The following DIAPH1 variants were observed in gnomAD, a reference collection of about 807,000 sequenced individuals.
DIAPH1 encodes the protein protein diaphanous homolog 1.
A neutral mutation model predicts 140.7 loss-of-function variants in DIAPH1; 46 were observed. The ratio of observed to expected loss-of-function variants is 0.33; its 90% CI spans 0.26 to 0.42. The LOEUF (loss-of-function observed/expected upper bound fraction) is 0.42, where lower values mean the gene tolerates loss of function less well. Among genes scored for constraint, DIAPH1 ranks in the 10% least tolerant of loss-of-function variants. DIAPH1 has a pLI of 1.00. For synonymous variants in DIAPH1, 565 were observed against 551.6 expected (o/e 1.02, Z -0.34); for missense variants, 1,310 against 1,558.7 (o/e 0.84, Z 2.69).
chr5:141,546,611 G>A (rs547153145), intron 18 of DIAPH1, among the ~76,000 whole-genome samples: 4 of 150,796 alleles, frequency 2.7e-5, no homozygotes, highest in Admixed American at 6.6e-5. Context: ...AGCTGAGATC[G>A]TGCCACTGCA....
intron 18 of DIAPH1, among the ~76,000 whole-genome samples, chr5:141,553,709 A>G (rs1257228708): frequency 6.6e-6 from 1 of 152,166 alleles, no homozygotes; most frequent in Non-Finnish European, 1.5e-5. Flanking sequence ...ACTAAAAACT[A>G]AAGAGGTAAG....
At position 141,576,863 on chromosome 5, in the gene DIAPH1, T is replaced by C. The variant is rs1280109391; in HGVS notation, c.1289A>G (p.Tyr430Cys). The C allele has an allele frequency of 6.3e-7, 1 of 1,576,936 alleles. No individual in the cohort carries two copies. Among genetic ancestry groups the C allele is most frequent in the Non-Finnish European group, 8.7e-7 (1 of 1,146,350 alleles). Residue 430 changes from tyrosine (Y) to cysteine (C), a missense_variant, in exon 13 of 28, where the codon TAC (tyrosine) becomes TGC (cysteine). Physicochemically the swap from Tyr to Cys is radical, Grantham distance 194 (BLOSUM62 -2). This residue lies in a region of DIAPH1 where 589 missense variants were observed against 549.3 expected (regional missense o/e 1.07). Transcript: ENST00000389054. ...VRNDYEARPQYYKLIEECISQ... is the reference protein window; with the variant it reads ...VRNDYEARPQCYKLIEECISQ... Reference sequence around the variant, plus strand: ...AATACATTCTTCAATCAACTTATAGTACTGAGGTCTACAAGAGAATAAAAA... The same window carrying C: ...AATACATTCTTCAATCAACTTATAGCACTGAGGTCTACAAGAGAATAAAAA...
At chr5:141,606,620 C>CCAGG (rs2099901010) in intron 1 of DIAPH1, among the ~76,000 whole-genome samples, 1 of 152,142 alleles carries the variant, frequency 6.6e-6, no homozygotes, top group Non-Finnish European at 1.5e-5. Context: ...GTCTTGAACT[C>CCAGG]CTGGCCTCAG....
chr5:141,615,202 G>A (rs990647265), intron 1 of DIAPH1, among the ~76,000 whole-genome samples: 8 of 151,970 alleles, frequency 5.3e-5, no homozygotes, highest in African/African-American at 1.9e-4. Context: ...TCGGGAGGCT[G>A]AGGCTGGCGG....
chr5:141,562,549 C>A (rs2099893723), intron 18 of DIAPH1, among the ~76,000 whole-genome samples: 1 of 148,152 alleles, frequency 6.7e-6, no homozygotes, highest in African/African-American at 2.5e-5. Flanking sequence ...TGGATGAATA[C>A]TAGGGTGGGA....
chr5:141,591,086 A>C (rs1039099442), intron 1 of DIAPH1, among the ~76,000 whole-genome samples: 8 of 152,090 alleles, frequency 5.3e-5, no homozygotes, highest in African/African-American at 1.9e-4. Flanking sequence ...TTTTCCCCCC[A>C]GTCTCATCTT....
chr5:141,578,287 T>C lies in DIAPH1; in HGVS notation c.1101A>G (p.Glu367=). Residue 367 remains glutamate (E), a synonymous_variant, in exon 11 of 28, where the codon GAA becomes GAG. Coordinates refer to ENST00000389054, the MANE Select transcript of DIAPH1 (RefSeq NM_005219.5). ...GGTCATAGGAATCCTCTTCCCCTTG[T>C]TCATCAAACACATTTAGTTGCACTC... ...DMRVQLNVFD[E]QGEEDSYDLK... is the part of the protein sequence containing the mutation. 1.2e-6 allele frequency: 2 copies of C among 1,614,198 alleles called. No individual in the cohort carries two copies. The highest frequency in any genetic ancestry group is 1.7e-6 in the Non-Finnish European group (2 of 1,180,020).
intron 18 of DIAPH1, among the ~76,000 whole-genome samples, chr5:141,545,390 G>A (rs2099890638): frequency 6.6e-6 from 1 of 152,212 alleles, no homozygotes; most frequent in Non-Finnish European, 1.5e-5. Flanking sequence ...AGTGGCTCAT[G>A]CCTGTAATCC....
At chr5:141,571,886 C>T in intron 17 of DIAPH1, 40 bp downstream of exon 17, 2 of 1,388,232 alleles carry the variant, frequency 1.4e-6, no homozygotes, top group Non-Finnish European at 1.0e-6. Flanking sequence ...ATATTCTAAG[C>T]CCTACACTGG....
intron 18 of DIAPH1, among the ~76,000 whole-genome samples, chr5:141,556,221 C>T (rs559835843): frequency 8.5e-4 from 129 of 152,236 alleles, no homozygotes; most frequent in African/African-American, 3.1e-3. Flanking sequence ...GGCCCCAACA[C>T]AGTATTATAT....
At chr5:141,556,067 G>A (rs958012536) in intron 18 of DIAPH1, among the ~76,000 whole-genome samples, 1 of 152,180 alleles carries the variant, frequency 6.6e-6, no homozygotes. Flanking sequence ...CATTTCAGAA[G>A]TGGGAGAAGA....
chr5:141,608,268 C>T (rs761533027), intron 1 of DIAPH1, among the ~76,000 whole-genome samples: 4 of 152,056 alleles, frequency 2.6e-5, no homozygotes, highest in Non-Finnish European at 2.9e-5. Context: ...TGCACCACTG[C>T]GCTCCAGCCT....
At chr5:141,571,536 C>A in intron 17 of DIAPH1, 100 bp from the exon 18 acceptor site, 1 of 1,028,222 alleles carries the variant, frequency 9.7e-7, no homozygotes, top group Non-Finnish European at 1.5e-6. Context: ...TGTAGACAGT[C>A]ACTCAGTCAC....
chr5:141,528,592 AGAG>A lies in DIAPH1; in HGVS notation c.3019-13_3019-11del. On this transcript the variant is annotated splice_polypyrimidine_tract_variant and intron_variant, in intron 22 of 27. Transcript: ENST00000389054. ...ACTTGGTGTCTCGAAGCTTAGAGAA[AGAG>A]GAGAAACTGTTAAATCCTGACATGT... 6.2e-7 allele frequency: 1 copy of A among 1,614,218 alleles called. No individual in the cohort carries two copies. Among genetic ancestry groups the A allele is most frequent in the Non-Finnish European group, 8.5e-7 (1 of 1,180,036 alleles).
chr5:141,611,289 G>A (rs939920047), intron 1 of DIAPH1, among the ~76,000 whole-genome samples: 7 of 152,002 alleles, frequency 4.6e-5, no homozygotes, highest in Non-Finnish European at 7.4e-5. Flanking sequence ...AAACCTTAGC[G>A]ACCATAATTT....
At chr5:141,589,020 A>C (rs2099897965) in intron 1 of DIAPH1, 1 of 155,418 alleles carries the variant, frequency 6.4e-6, no homozygotes, top group Non-Finnish European at 1.4e-5. Context: ...ATAAAGGCCA[A>C]CATCCAGGAT....
chr5:141,607,898 G>A (rs1304105069), intron 1 of DIAPH1, among the ~76,000 whole-genome samples: 1 of 152,206 alleles, frequency 6.6e-6, no homozygotes, highest in Non-Finnish European at 1.5e-5. Context: ...GTCATTTACA[G>A]TATCTGGGGC....
intron 18 of DIAPH1, among the ~76,000 whole-genome samples, chr5:141,568,601 T>C (rs2099894708): frequency 6.6e-6 from 1 of 152,202 alleles, no homozygotes; most frequent in Non-Finnish European, 1.5e-5. Context: ...TCTCAGCTCT[T>C]CTCTTGTAAA....
chr5:141,527,983 C>A (rs1433504675), intron 23 of DIAPH1, among the ~76,000 whole-genome samples: 1 of 152,132 alleles, frequency 6.6e-6, no homozygotes, highest in Non-Finnish European at 1.5e-5. Flanking sequence ...TAACATGAAT[C>A]TATGAAATCC....
Sources: allele counts gnomAD v4.1 joint callset (sites outside exome capture counted in the v4.1 genomes callset), GRCh38; gene constraint gnomAD v4.1.1; regional missense constraint gnomAD v4.1.1; transcripts MANE v1.5; gene names NCBI Gene and HGNC (gene_info 2026-07-23, HGNC 2026-07-21).